Variants in RABGAP1 observed in about 807,000 individuals in gnomAD.
The protein encoded by RABGAP1 is rab GTPase-activating protein 1.
A neutral mutation model predicts 137.6 loss-of-function variants in RABGAP1; 23 were observed. That is an observed-to-expected ratio of 0.17 (90% CI 0.12 to 0.24). The LOEUF (loss-of-function observed/expected upper bound fraction) is 0.24. Among genes scored for constraint, RABGAP1 ranks in the 10% least tolerant of loss-of-function variants. RABGAP1 has a pLI of 1.00. For synonymous variants in RABGAP1, 451 were observed against 450.7 expected (o/e 1.00, Z -0.01); for missense variants, 906 against 1,275.8 (o/e 0.71, Z 4.42).
intron 13 of RABGAP1, among the ~76,000 whole-genome samples, chr9:123,037,864 A>T (rs1165441474): frequency 6.6e-6 from 1 of 152,156 alleles, no homozygotes; most frequent in Non-Finnish European, 1.5e-5. Flanking sequence ...ATTTAATGCA[A>T]CATTTGATGA....
chr9:123,086,024 T>C (rs1787349689), intron 19 of RABGAP1, among the ~76,000 whole-genome samples: 1 of 152,202 alleles, frequency 6.6e-6, no homozygotes, highest in South Asian at 2.1e-4. Flanking sequence ...ATGGCCTGTC[T>C]CCTGGTGGGA....
In RABGAP1 at chr9:123,093,208, T is replaced by G. The variant is rs577706258; in HGVS notation, c.2628+2823T>G. 1.1e-4 allele frequency among the ~76,000 whole-genome samples: 17 copies of G among 152,324 alleles called. No individual in the cohort carries two copies. The South Asian group carries it at 3.5e-3, about 32-fold the overall frequency. ...AAAATTTCCAGGGCCCTCTTGTATTTTCGGTTGATTATACATCACTTTTGT... is the reference window on the plus strand; with the variant it reads ...AAAATTTCCAGGGCCCTCTTGTATTGTCGGTTGATTATACATCACTTTTGT... On this transcript the variant is annotated intron_variant, in intron 21 of 25. Transcript: ENST00000373647.
intron 1 of RABGAP1, among the ~76,000 whole-genome samples, chr9:122,944,149 CATA>C (rs901973913): frequency 8.6e-5 from 13 of 151,986 alleles, no homozygotes; most frequent in Admixed American, 8.5e-4. Flanking sequence ...ATAGGCTGCC[CATA>C]ATGTTATCTT....
At chr9:122,957,266 C>T in intron 2 of RABGAP1, 57 bp downstream of exon 2, 1 of 1,357,710 alleles carries the variant, frequency 7.4e-7, no homozygotes. Context: ...CATTGCAAAA[C>T]TTGGCCTTAA....
At chr9:123,038,369 A>G (rs910645657) in intron 13 of RABGAP1, among the ~76,000 whole-genome samples, 1 of 151,642 alleles carries the variant, frequency 6.6e-6, no homozygotes, top group Admixed American at 6.6e-5. Flanking sequence ...GAAAACTTGA[A>G]TTTTTTTTTA....
intron 17 of RABGAP1, 122 bp from the exon 18 acceptor site, chr9:123,076,123 A>T: frequency 2.0e-6 from 2 of 1,003,296 alleles, no homozygotes; most frequent in Non-Finnish European, 2.9e-6. Flanking sequence ...GGTAGTTCTG[A>T]GATAATGCAT....
chr9:122,952,254 TA>T (rs1280589682), intron 1 of RABGAP1, among the ~76,000 whole-genome samples: 6 of 151,918 alleles, frequency 3.9e-5, no homozygotes, highest in African/African-American at 1.5e-4. Context: ...TTAAATTTTT[TA>T]TTTTTTTTAT....
chr9:122,952,940 G>C (rs1834328009), intron 1 of RABGAP1, among the ~76,000 whole-genome samples: 1 of 152,150 alleles, frequency 6.6e-6, no homozygotes, highest in Non-Finnish European at 1.5e-5. Context: ...TTGTTAGGAT[G>C]ATAAAATGAG....
chr9:123,027,619 AAGG>A (rs1329478452), intron 13 of RABGAP1, among the ~76,000 whole-genome samples: 1 of 152,248 alleles, frequency 6.6e-6, no homozygotes, highest in Non-Finnish European at 1.5e-5. Flanking sequence ...CCAACAATAA[AAGG>A]AGATCGATTT....
chr9:122,986,632 G>A (rs1288413897), intron 4 of RABGAP1, among the ~76,000 whole-genome samples: 1 of 152,152 alleles, frequency 6.6e-6, no homozygotes, highest in Non-Finnish European at 1.5e-5. Flanking sequence ...CCGATCATGT[G>A]TAGTACATTA....
At chr9:123,064,068 C>T (rs1271224958) in intron 13 of RABGAP1, among the ~76,000 whole-genome samples, 3 of 152,102 alleles carry the variant, frequency 2.0e-5, no homozygotes, top group East Asian at 1.9e-4. Context: ...TCACTTCGCT[C>T]GCTCTCTCAT....
At chr9:123,059,145 G>T (rs963565660) in intron 13 of RABGAP1, among the ~76,000 whole-genome samples, 33 of 152,238 alleles carry the variant, frequency 2.2e-4, no homozygotes, top group South Asian at 4.1e-4. Context: ...TGATCTGATT[G>T]GTCCATGCAT....
chr9:122,969,285 G>A (rs939697600), intron 2 of RABGAP1, among the ~76,000 whole-genome samples: 6 of 152,186 alleles, frequency 3.9e-5, no homozygotes, highest in Non-Finnish European at 5.9e-5. Flanking sequence ...TGCTTCCTGG[G>A]TTTATGTAAG....
chr9:123,007,940 T>A (rs945440375), intron 10 of RABGAP1, among the ~76,000 whole-genome samples: 9 of 149,388 alleles, frequency 6.0e-5, no homozygotes, highest in East Asian at 3.9e-4. Flanking sequence ...TGTTTAAATT[T>A]TATATATAAT....
At chr9:122,971,498 A>G (rs901642741) in intron 2 of RABGAP1, among the ~76,000 whole-genome samples, 2 of 152,250 alleles carry the variant, frequency 1.3e-5, no homozygotes, top group African/African-American at 4.8e-5. Flanking sequence ...GCAGAACTGA[A>G]TCCCACTGGA....
intron 6 of RABGAP1, 193 bp downstream of exon 6, chr9:122,990,406 A>G (rs549280535): frequency 1.9e-5 from 8 of 415,192 alleles, no homozygotes; most frequent in African/African-American, 1.7e-4. Flanking sequence ...GCAATTAAAA[A>G]AATTGTCATA....
In RABGAP1 at chr9:122,986,333, A is replaced by C; in HGVS notation, c.504A>C (p.Leu168Phe). 1 of 1,614,124 alleles carries C rather than the reference A, an allele frequency of 6.2e-7. No homozygotes were observed. Among genetic ancestry groups the C allele is most frequent in the Non-Finnish European group, 8.5e-7 (1 of 1,179,994 alleles). Residue 168 changes from leucine to phenylalanine, a missense_variant, in exon 4 of 26, where the codon TTA becomes TTC. Physicochemically the swap from Leu to Phe is conservative, Grantham distance 22 (BLOSUM62 0). Around this residue, in one of 9 missense-constraint regions of RABGAP1, gnomAD observed 331 missense variants for 358.3 expected, o/e 0.92. Coordinates refer to ENST00000373647, the MANE Select transcript of RABGAP1 (RefSeq NM_012197.4). ...CTCCCAGGAGTGAAGTGGAAGCCTT[A>C]AGGATGATGTCCATCTTAAGAAGCC... ...VNAPRSEVEA[L>F]RMMSILRSQC...
chr9:123,044,057 T>C (rs978316561), intron 13 of RABGAP1, among the ~76,000 whole-genome samples: 4 of 151,886 alleles, frequency 2.6e-5, no homozygotes, highest in Non-Finnish European at 5.9e-5. Flanking sequence ...CCCACCACCA[T>C]GCATGGCTAG....
chr9:122,967,319 A>G (rs1835214044), intron 2 of RABGAP1, among the ~76,000 whole-genome samples: 1 of 152,208 alleles, frequency 6.6e-6, no homozygotes, highest in South Asian at 2.1e-4. Context: ...CAACTTTTTC[A>G]AGGACTTTTG....
Sources: allele counts gnomAD v4.1 joint callset (sites outside exome capture counted in the v4.1 genomes callset), GRCh38; gene constraint gnomAD v4.1.1; regional missense constraint gnomAD v4.1.1; transcripts MANE v1.5; gene names NCBI Gene and HGNC (gene_info 2026-07-23, HGNC 2026-07-21).